LRTM1: variants seen among roughly 807,000 people sequenced by gnomAD.
LRTM1 encodes leucine-rich repeat and transmembrane domain-containing protein 1.
In LRTM1, 38 loss-of-function variants were observed where a neutral mutation model predicts 32.4. The observed-to-expected ratio is 1.17, with a 90% confidence interval of 0.91 to 1.54. The LOEUF is 1.54. Among genes scored for constraint, LRTM1 ranks in the 40% most tolerant of loss-of-function variants. The pLI is 0.00. For synonymous variants in LRTM1, 186 were observed against 169.9 expected (o/e 1.09, Z -0.74); for missense variants, 466 against 415.4 (o/e 1.12, Z -1.06).
chr3:54,928,845 C>T (rs966041616), upstream of LRTM1, among the ~76,000 whole-genome samples: 16 of 152,066 alleles, frequency 1.1e-4, no homozygotes, highest in African/African-American at 3.6e-4. Flanking sequence ...ATAAAGCCGC[C>T]CCCTGTGAGC....
chr3:54,948,127 A>G (rs890857199), intron 1 of LRTM1, among the ~76,000 whole-genome samples: 1 of 152,130 alleles, frequency 6.6e-6, no homozygotes, highest in Non-Finnish European at 1.5e-5. Flanking sequence ...ATGACCTCAA[A>G]TTACAATGAC....
intron 1 of LRTM1, among the ~76,000 whole-genome samples, chr3:54,956,278 T>C (rs1295420558): frequency 2.0e-5 from 3 of 152,362 alleles, no homozygotes. Context: ...CGCATGGTCT[T>C]CCCTTGGCTG....
At chr3:54,935,975 T>C (rs1701319028) in intron 1 of LRTM1, among the ~76,000 whole-genome samples, 1 of 152,198 alleles carries the variant, frequency 6.6e-6, no homozygotes, top group South Asian at 2.1e-4. Context: ...ACAGTGTTCC[T>C]GCTAAACACA....
At chr3:54,953,297 T>G (rs1701803211) in intron 1 of LRTM1, among the ~76,000 whole-genome samples, 1 of 152,194 alleles carries the variant, frequency 6.6e-6, no homozygotes, top group Non-Finnish European at 1.5e-5. Flanking sequence ...CAGGCAGGAC[T>G]CAGCCCTAAG....
upstream of LRTM1, among the ~76,000 whole-genome samples, chr3:54,928,644 T>G (rs1701097880): frequency 6.6e-6 from 1 of 152,174 alleles, no homozygotes; most frequent in Non-Finnish European, 1.5e-5. Context: ...CAACCTTCCT[T>G]CTGGTGCCAC....
At chr3:54,961,273 A>G (rs560052482) in intron 1 of LRTM1, among the ~76,000 whole-genome samples, 1 of 152,342 alleles carries the variant, frequency 6.6e-6, no homozygotes, top group East Asian at 1.9e-4. Flanking sequence ...CAAGCCATGT[A>G]AAAATACCCA....
chr3:54,950,320 T>G (rs1265997567), intron 1 of LRTM1, among the ~76,000 whole-genome samples: 1 of 152,192 alleles, frequency 6.6e-6, no homozygotes, highest in African/African-American at 2.4e-5. Flanking sequence ...TTTATTTTAA[T>G]GTACAGATGC....
intron 1 of LRTM1, among the ~76,000 whole-genome samples, chr3:54,925,549 G>A (rs1484148573): frequency 2.0e-5 from 3 of 152,182 alleles, no homozygotes; most frequent in African/African-American, 7.2e-5. Context: ...CCGTTTGTAG[G>A]CCACAACAGA....
upstream of LRTM1, among the ~76,000 whole-genome samples, chr3:54,929,574 T>C (rs1347676636): frequency 1.3e-5 from 2 of 152,192 alleles, no homozygotes; most frequent in Non-Finnish European, 2.9e-5. Flanking sequence ...AGTATATTCA[T>C]CCTGCCTCTT....
chr3:54,925,223 A>C lies in LRTM1; in HGVS notation c.8-8T>G. The C allele has an allele frequency of 6.2e-7, 1 of 1,601,750 alleles. No homozygotes were observed. Among genetic ancestry groups the C allele is most frequent in the Non-Finnish European group, 8.5e-7 (1 of 1,170,992 alleles). ...AAAACAGGAGCAGTTCACCTACAAC[A>C]AACAGAAAGAAATTGGGATAGGAAC... On this transcript the variant is annotated splice_polypyrimidine_tract_variant and splice_region_variant and intron_variant, in intron 1 of 2. Transcript: ENST00000273286.
intron 1 of LRTM1, among the ~76,000 whole-genome samples, chr3:54,940,322 C>T (rs565769191): frequency 1.8e-4 from 28 of 152,302 alleles, no homozygotes; most frequent in South Asian, 4.1e-4. Context: ...CAACTGTCTT[C>T]TAAAAATATA....
Position 54,918,705 on chromosome 3 carries a change from C to A in LRTM1, c.792G>T (p.Gly264=), listed in dbSNP as rs1409328391. 10 of 1,614,128 alleles carry A rather than the reference C, an allele frequency of 6.2e-6. No homozygotes were observed. The highest frequency in any genetic ancestry group is 6.8e-6 in the Non-Finnish European group (8 of 1,180,030). Residue 264 remains glycine (G), a synonymous_variant, in exon 3 of 3, where the codon GGG becomes GGT. Coordinates refer to ENST00000273286, the MANE Select transcript of LRTM1 (RefSeq NM_020678.4). ...VLRPPENHNA[G]ERELLECELK... ...GCTCGCACTCCAAGAGTTCTCGCTCCCCCGCGTTGTGGTTCTCAGGAGGCC... is the reference window on the plus strand; with the variant it reads ...GCTCGCACTCCAAGAGTTCTCGCTCACCCGCGTTGTGGTTCTCAGGAGGCC...
In LRTM1 at chr3:54,948,492, G is replaced by A. The variant is rs552032741; in HGVS notation, c.-222+18436C>T. 6.6e-5 allele frequency among the ~76,000 whole-genome samples: 10 copies of A among 152,306 alleles called. 1 individual carries two copies. Among genetic ancestry groups the A allele is most frequent in the African/African-American group, 2.4e-4 (10 of 41,576 alleles). On this transcript the variant is annotated intron_variant, in intron 1 of 2. Transcript: ENST00000493075. The stretch of plus-strand genomic sequence containing the variant: ...TGGCCTATGTACATTCAACTAGTAT[G>A]GGCAAAGGTAGCATCTTCCTGCAGT...
intron 1 of LRTM1, among the ~76,000 whole-genome samples, chr3:54,933,279 T>C (rs1033246980): frequency 1.3e-5 from 2 of 152,248 alleles, no homozygotes; most frequent in Non-Finnish European, 2.9e-5. Context: ...ATTATGCTAT[T>C]TTAACAAACA....
At chr3:54,928,801 C>A (rs999463061), upstream of LRTM1, among the ~76,000 whole-genome samples, 2 of 150,670 alleles carry the variant, frequency 1.3e-5, no homozygotes, top group Admixed American at 1.3e-4. Flanking sequence ...ATGCTGAGGT[C>A]CTGGCCCTTC....
chr3:54,949,426 T>A (rs1226043386), intron 1 of LRTM1, among the ~76,000 whole-genome samples: 1 of 152,184 alleles, frequency 6.6e-6, no homozygotes, highest in Non-Finnish European at 1.5e-5. Context: ...GGAGTTCAAA[T>A]TAGTTTGAGC....
chr3:54,942,468 C>T (rs1701497207), intron 1 of LRTM1, among the ~76,000 whole-genome samples: 1 of 152,168 alleles, frequency 6.6e-6, no homozygotes, highest in Non-Finnish European at 1.5e-5. Context: ...GAGGCTGGGA[C>T]CTTGAATCTG....
intron 2 of LRTM1, among the ~76,000 whole-genome samples, chr3:54,924,013 G>A (rs1257771074): frequency 6.6e-6 from 1 of 152,190 alleles, no homozygotes; most frequent in African/African-American, 2.4e-5. Flanking sequence ...GCTGTAGTTT[G>A]CTAACCCTGG....
At chr3:54,961,449 C>T (rs948255585) in intron 1 of LRTM1, among the ~76,000 whole-genome samples, 10 of 152,272 alleles carry the variant, frequency 6.6e-5, no homozygotes, top group African/African-American at 2.4e-4. Context: ...TAGTTGTATT[C>T]CCTCTAATAA....
Sources: allele counts gnomAD v4.1 joint callset (sites outside exome capture counted in the v4.1 genomes callset), GRCh38; gene constraint gnomAD v4.1.1; transcripts MANE v1.5; gene names NCBI Gene and HGNC (gene_info 2026-07-23, HGNC 2026-07-21).